LRP1B: variants seen among roughly 807,000 people sequenced by gnomAD.
The protein encoded by LRP1B is low-density lipoprotein receptor-related protein 1B.
Under a neutral mutation model 556.6 loss-of-function variants are expected in LRP1B, and 217 were observed. The ratio of observed to expected loss-of-function variants is 0.39; its 90% CI spans 0.35 to 0.44. The LOEUF (loss-of-function observed/expected upper bound fraction) is 0.44. Ranked by LOEUF, LRP1B falls within the 20% of genes least tolerant of loss-of-function variation. The probability of loss-of-function intolerance (pLI) is 1.00; values close to 1 mark genes in which losing one functional copy is unlikely to be tolerated. For synonymous variants in LRP1B, 2,047 were observed against 1,865.8 expected, an observed-to-expected ratio of 1.10 and a Z score of -2.50; for missense variants, 5,053 against 5,620.8, an observed-to-expected ratio of 0.90 and a Z score of 3.23.
At chr2:141,569,710 G>A (rs1686459975) in intron 2 of LRP1B, among the ~76,000 whole-genome samples, 1 of 150,980 alleles carries the variant, frequency 6.6e-6, no homozygotes, top group South Asian at 2.1e-4. Flanking sequence ...AAAGTTGGCT[G>A]GCTGGAAAAT....
At chr2:140,466,656 T>A (rs1687561189) in intron 60 of LRP1B, among the ~76,000 whole-genome samples, 1 of 152,196 alleles carries the variant, frequency 6.6e-6, no homozygotes, top group African/African-American at 2.4e-5. Flanking sequence ...AAGAGTATAA[T>A]TTTTTCCAAT....
intron 12 of LRP1B, among the ~76,000 whole-genome samples, chr2:141,019,720 C>T (rs148289657): frequency 2.0e-5 from 3 of 152,034 alleles, no homozygotes; most frequent in Non-Finnish European, 4.4e-5. Context: ...TAATCTAATT[C>T]AGGTCAATGT....
intron 86 of LRP1B, among the ~76,000 whole-genome samples, chr2:140,255,749 C>T (rs1681646220): frequency 6.6e-6 from 1 of 152,018 alleles, no homozygotes; most frequent in Non-Finnish European, 1.5e-5. Flanking sequence ...GTGTGCATTC[C>T]CTATTCTGCA....
At chr2:141,956,533 T>C (rs1336096741) in intron 1 of LRP1B, among the ~76,000 whole-genome samples, 1 of 152,136 alleles carries the variant, frequency 6.6e-6, no homozygotes, top group Admixed American at 6.6e-5. Flanking sequence ...CTGTGACTTA[T>C]ATTTTCACTG....
intron 7 of LRP1B, among the ~76,000 whole-genome samples, chr2:141,066,992 T>C (rs1699497979): frequency 6.6e-6 from 1 of 151,988 alleles, no homozygotes; most frequent in African/African-American, 2.4e-5. Flanking sequence ...CTTTCCTTTT[T>C]ATTTCAGGAA....
intron 2 of LRP1B, among the ~76,000 whole-genome samples, chr2:141,492,966 T>C (rs1683387948): frequency 1.3e-5 from 2 of 152,188 alleles, no homozygotes; most frequent in African/African-American, 4.8e-5. Context: ...CAAACTGTCC[T>C]TTATTGCATT....
At chr2:141,226,341 G>A (rs1208456879) in intron 6 of LRP1B, among the ~76,000 whole-genome samples, 1 of 152,034 alleles carries the variant, frequency 6.6e-6, no homozygotes, top group Non-Finnish European at 1.5e-5. Flanking sequence ...AACAGGAAGG[G>A]CATATCTCTC....
chr2:140,296,786 CAATT>C (rs1201336832), intron 84 of LRP1B, among the ~76,000 whole-genome samples: 1 of 151,950 alleles, frequency 6.6e-6, no homozygotes, highest in Non-Finnish European at 1.5e-5. Flanking sequence ...TAAATAAAAT[CAATT>C]AACTTGACTT....
At chr2:140,770,648 G>T (rs1055706422) in intron 34 of LRP1B, among the ~76,000 whole-genome samples, 4 of 152,028 alleles carry the variant, frequency 2.6e-5, no homozygotes, top group African/African-American at 9.7e-5. Flanking sequence ...ATAATATACA[G>T]CAGTTGCTAA....
In LRP1B at chr2:140,377,343, A is replaced by G. The variant is rs141001055; in HGVS notation, c.10638+837T>C. On this transcript the variant is annotated intron_variant, in intron 68 of 90. Coordinates refer to ENST00000389484, the MANE Select transcript of LRP1B (RefSeq NM_018557.3). ...ACCCGCCTCGGCCTCCCAAAGTGCT[A>G]GGATTACAGGCGTAAGCCACCATGC... Among the ~76,000 whole-genome samples the G allele has an allele frequency of 2.4e-3, 370 of 152,130 alleles. 2 individuals are homozygous for G. Among genetic ancestry groups the G allele is most frequent in the African/African-American group, 8.0e-3 (334 of 41,510 alleles).
chr2:141,573,306 A>G (rs13393179), intron 2 of LRP1B, among the ~76,000 whole-genome samples: 11,270 of 152,260 alleles, frequency 0.074, 505 homozygotes, highest in Non-Finnish European at 0.1. Context: ...AAAACCACAC[A>G]GTTACATGGA....
At chr2:140,473,867 G>A (rs1026643686) in intron 60 of LRP1B, among the ~76,000 whole-genome samples, 2 of 151,914 alleles carry the variant, frequency 1.3e-5, no homozygotes, top group African/African-American at 2.4e-5. Flanking sequence ...GAATGAGGCA[G>A]AACATTTCAT....
At chr2:140,573,232 TCA>T (rs1681397033) in intron 43 of LRP1B, among the ~76,000 whole-genome samples, 1 of 151,780 alleles carries the variant, frequency 6.6e-6, no homozygotes, top group African/African-American at 2.4e-5. Flanking sequence ...TATCAAAAAA[TCA>T]CACTGTATAC....
intron 3 of LRP1B, among the ~76,000 whole-genome samples, chr2:141,259,557 A>T (rs1684609801): frequency 6.6e-6 from 1 of 152,198 alleles, no homozygotes; most frequent in Admixed American, 6.5e-5. Flanking sequence ...GGTGCAGGGA[A>T]TCCAGCAGAC....
chr2:140,264,035 T>C (rs990486963), intron 86 of LRP1B, among the ~76,000 whole-genome samples: 2 of 152,046 alleles, frequency 1.3e-5, no homozygotes, highest in Non-Finnish European at 2.9e-5. Flanking sequence ...ATCAGCACAT[T>C]TTGGTCTCTT....
At chr2:140,330,231 A>ATAAT (rs1480337509) in intron 79 of LRP1B, among the ~76,000 whole-genome samples, 4 of 147,452 alleles carry the variant, frequency 2.7e-5, no homozygotes, top group African/African-American at 9.8e-5. Flanking sequence ...AATAATAATA[A>ATAAT]TAATAATAAT....
chr2:142,031,816 TGAA>T (rs892745401), intron 1 of LRP1B, among the ~76,000 whole-genome samples: 17 of 151,888 alleles, frequency 1.1e-4, no homozygotes, highest in African/African-American at 3.9e-4. Flanking sequence ...CTAGAGTTAC[TGAA>T]GAAGTAGTTA....
intron 10 of LRP1B, among the ~76,000 whole-genome samples, chr2:141,051,425 G>A (rs986909175): frequency 2.8e-4 from 42 of 151,844 alleles, no homozygotes; most frequent in African/African-American, 9.9e-4. Context: ...GAACATATAC[G>A]CCGTGGAATA....
chr2:141,194,218 A>G (rs1165675185), intron 6 of LRP1B, among the ~76,000 whole-genome samples: 2 of 152,090 alleles, frequency 1.3e-5, no homozygotes, highest in African/African-American at 4.8e-5. Flanking sequence ...TGCTTGACAT[A>G]TGCTCTCTAT....
Sources: allele counts gnomAD v4.1 joint callset (sites outside exome capture counted in the v4.1 genomes callset), GRCh38; gene constraint gnomAD v4.1.1; transcripts MANE v1.5; gene names NCBI Gene and HGNC (gene_info 2026-07-23, HGNC 2026-07-21).